Variants in MALRD1 observed in about 807,000 individuals in gnomAD.
MALRD1 encodes MAM and LDL-receptor class A domain-containing protein 1.
MALRD1 carries 247 observed loss-of-function variants against 242.1 expected under a neutral mutation model. The ratio of observed to expected loss-of-function variants is 1.02; its 90% confidence interval spans 0.92 to 1.13. MALRD1 has a LOEUF of 1.13. Ranked by LOEUF, MALRD1 falls within the 50% of genes most tolerant of loss-of-function variation. The pLI is 0.00. For missense variants in MALRD1, 2,989 were observed against 2,533.1 expected (o/e 1.18, Z -3.86); for synonymous variants, 995 against 866.6 (o/e 1.15, Z -2.60).
rs1159904055 is a variant in MALRD1, at chr10:19,171,422, T to TTTTA, written c.1831-3785_1831-3784insTTAT. 3.0e-4 allele frequency among the ~76,000 whole-genome samples: 11 copies of TTTTA among 36,270 alleles called. 1 individual carries two copies. Among genetic ancestry groups the TTTTA allele is most frequent in the African/African-American group, 4.7e-4 (6 of 12,722 alleles). 23.8% of individuals were successfully genotyped at this position (36,270 alleles called of 152,430 possible). On this transcript the variant is annotated intron_variant, in intron 13 of 39. Coordinates refer to ENST00000454679, the MANE Select transcript of MALRD1 (RefSeq NM_001142308.3). ...GGAATTGGTCACAACATTTTATATT[T>TTTTA]TATATACATATATATATATATATAT...
chr10:19,715,354 CTTA>C (rs1358532542), intron 38 of MALRD1, among the ~76,000 whole-genome samples: 6 of 150,436 alleles, frequency 4.0e-5, no homozygotes, highest in African/African-American at 9.7e-5. Context: ...TCCATTATAA[CTTA>C]TTATGAAAAC....
At chr10:19,376,200 C>T (rs1564605973) in intron 26 of MALRD1, among the ~76,000 whole-genome samples, 2 of 152,174 alleles carry the variant, frequency 1.3e-5, no homozygotes, top group Non-Finnish European at 2.9e-5. Flanking sequence ...TAAAGAAGAT[C>T]TTTCTTCCTT....
chr10:19,057,179 G>T (rs987152955), intron 1 of MALRD1, among the ~76,000 whole-genome samples: 7 of 152,088 alleles, frequency 4.6e-5, no homozygotes, highest in Non-Finnish European at 1.5e-5. Flanking sequence ...GGTAACGCTG[G>T]TCTCATAAAA....
Position 19,531,438 on chromosome 10 carries a change from G to T in MALRD1, c.5478+87G>T, listed in dbSNP as rs548941339. 230 of 1,324,698 alleles carry T rather than the reference G, an allele frequency of 1.7e-4. 3 individuals are homozygous for T. In the African/African-American group the frequency reaches 2.8e-3, roughly 16 times the overall value. 82.1% of individuals were successfully genotyped at this position (1,324,698 alleles called of 1,614,324 possible). A position where few individuals can be genotyped will look rare whatever the true frequency, so the allele number is the denominator to read the frequency against. On this transcript the variant is annotated intron_variant, in intron 32 of 39. Coordinates refer to ENST00000454679, the MANE Select transcript of MALRD1 (RefSeq NM_001142308.3). The stretch of plus-strand genomic sequence containing the variant: ...CTTCCCTTGTCTTATTTGTATTTTT[G>T]TTGGTCACACCGCCAGTGCTGATGC...
chr10:19,096,856 G>T lies in MALRD1; in HGVS notation c.598-7123G>T, dbSNP rs953354124. Among the ~76,000 whole-genome samples, 4 of 152,098 alleles carry T rather than the reference G, an allele frequency of 2.6e-5. No homozygotes were observed. The South Asian group carries it at 6.2e-4, about 24-fold the overall frequency. ...TCCCAGCTGGATCCCAGCTTAGCAC[G>T]GGCTTTGGAGAAAGCCTCTGCAGCT... On this transcript the variant is annotated intron_variant, in intron 4 of 39. Transcript: ENST00000454679.
At chr10:19,165,265 A>ATATATATATATTTTTT in intron 12 of MALRD1, among the ~76,000 whole-genome samples, 1 of 130,282 alleles carries the variant, frequency 7.7e-6, no homozygotes, top group African/African-American at 3.2e-5. Flanking sequence ...ATATATATAT[A>ATATATATATATTTTTT]TTTTGTTTTG....
intron 32 of MALRD1, among the ~76,000 whole-genome samples, chr10:19,544,791 A>G (rs376083204): frequency 7.2e-5 from 11 of 152,110 alleles, no homozygotes; most frequent in Non-Finnish European, 1.5e-4. Flanking sequence ...AAAAATGACC[A>G]TGACCTCTCT....
intron 38 of MALRD1, chr10:19,711,187 C>T (rs910550038): frequency 3.3e-5 from 5 of 152,146 alleles, no homozygotes; most frequent in Admixed American, 6.6e-5. Context: ...TCCTTAAATG[C>T]ATCCTTAGGG....
chr10:19,335,155 G>C (rs1430599466), intron 24 of MALRD1, among the ~76,000 whole-genome samples: 1 of 149,610 alleles, frequency 6.7e-6, no homozygotes, highest in Non-Finnish European at 1.5e-5. Context: ...GTGCTTTTTG[G>C]TGAATGATTG....
chr10:19,148,048 C>T (rs1833787671), intron 11 of MALRD1, among the ~76,000 whole-genome samples: 1 of 152,064 alleles, frequency 6.6e-6, no homozygotes, highest in Non-Finnish European at 1.5e-5. Context: ...ATGATGGTGA[C>T]CCAGGTAGTC....
chr10:19,067,064 A>G (rs577123956), intron 2 of MALRD1, among the ~76,000 whole-genome samples: 4 of 152,320 alleles, frequency 2.6e-5, no homozygotes, highest in African/African-American at 4.8e-5. Flanking sequence ...CAAAATATTT[A>G]TGATTTTAAA....
intron 13 of MALRD1, among the ~76,000 whole-genome samples, chr10:19,174,099 T>C (rs1053753079): frequency 6.6e-6 from 1 of 152,124 alleles, no homozygotes; most frequent in Non-Finnish European, 1.5e-5. Context: ...CATGAAGAAA[T>C]ACAAATGGAC....
In MALRD1 at chr10:19,175,240, T is replaced by A. The variant is rs1392704125; in HGVS notation, c.1863T>A (p.Asn621Lys). The A allele has an allele frequency of 8.1e-6, 10 of 1,230,280 alleles. No homozygotes were observed. The African/African-American group carries it at 1.4e-4, about 17-fold the overall frequency. 76.2% of individuals were successfully genotyped at this position (1,230,280 alleles called of 1,614,324 possible). A position where few individuals can be genotyped will look rare whatever the true frequency, so the allele number is the denominator to read the frequency against. Residue 621 changes from asparagine to lysine, a missense_variant, in exon 14 of 40, where the codon AAT (asparagine) becomes AAA (lysine). Transcript: ENST00000454679. ...LILEATVLSS[N>K]ATVALDDISV... is the part of the protein sequence containing the mutation. ...TGGAAGCTACTGTTTTGTCGTCAAA[T>A]GCTACCGTTGCTCTAGATGACATCA... is the stretch of plus-strand genomic sequence containing the variant.
At chr10:19,538,413 C>T (rs576727051) in intron 32 of MALRD1, among the ~76,000 whole-genome samples, 1 of 152,174 alleles carries the variant, frequency 6.6e-6, no homozygotes, top group Non-Finnish European at 1.5e-5. Context: ...GAAGAACTTA[C>T]AAAGATCAGT....
At position 19,491,631 on chromosome 10, in the gene MALRD1, A is replaced by T; in HGVS notation, c.5144A>T (p.Asp1715Val). 6.5e-7 allele frequency: 1 copy of T among 1,549,584 alleles called. No individual in the cohort carries two copies. Among genetic ancestry groups the T allele is most frequent in the Non-Finnish European group, 8.7e-7 (1 of 1,146,710 alleles). ...DYKPDCSDRS[D>V]EAHCAHYTST... is the part of the protein sequence containing the mutation. The stretch of plus-strand genomic sequence containing the variant: ...AAGCCAGACTGCTCTGATAGGTCTG[A>T]TGAAGCTCACTGTGGTAAGTTTATC... The change falls in exon 30 of 40, where the codon GAT becomes GTT. Residue 1715 changes from aspartate to valine, a missense_variant. Physicochemically the swap from Asp to Val is radical, Grantham distance 152. Coordinates refer to ENST00000454679, the MANE Select transcript of MALRD1 (RefSeq NM_001142308.3).
At position 19,308,162 on chromosome 10, in the gene MALRD1, C is replaced by T. The variant is rs373775752; in HGVS notation, c.3420-15787C>T. Among the ~76,000 whole-genome samples the T allele has an allele frequency of 4.6e-5, 7 of 151,504 alleles. No individual in the cohort carries two copies. The East Asian group carries it at 1.2e-3, about 25-fold the overall frequency. The stretch of plus-strand genomic sequence containing the variant: ...TTTTTTTTATACTCATTAACTATCC[C>T]TACATTTCGTCTAGACTCCCACTAC... On this transcript the variant is annotated intron_variant, in intron 21 of 39. Transcript: ENST00000454679.
chr10:19,138,164 G>GACTCCTAC lies in MALRD1; in HGVS notation c.1411+1383_1411+1384insACTCCTAC, dbSNP rs1833416145. ...CAACAGCAATCCAGTTAATACTTCA[G>GACTCCTAC]CTTTAAACCAAGTAATCGGCTAACC... On this transcript the variant is annotated intron_variant, in intron 10 of 39. Transcript: ENST00000454679. 1.4e-4 allele frequency among the ~76,000 whole-genome samples: 21 copies of GACTCCTAC among 151,932 alleles called. No individual in the cohort carries two copies. In the South Asian group the frequency reaches 4.4e-3, roughly 32 times the overall value.
intron 22 of MALRD1, among the ~76,000 whole-genome samples, chr10:19,325,917 C>A (rs367710806): frequency 1.3e-5 from 2 of 152,070 alleles, no homozygotes; most frequent in South Asian, 2.1e-4. Flanking sequence ...TAGGTGCTAC[C>A]CTGACTCCTA....
intron 19 of MALRD1, 49 bp downstream of exon 19, chr10:19,257,820 G>A (rs1839585480): frequency 2.4e-6 from 3 of 1,232,120 alleles, no homozygotes; most frequent in East Asian, 2.8e-5. Context: ...CTGTTTACTT[G>A]GAAAACTTGC....
Sources: allele counts gnomAD v4.1 joint callset (sites outside exome capture counted in the v4.1 genomes callset), GRCh38; gene constraint gnomAD v4.1.1; transcripts MANE v1.5; gene names NCBI Gene and HGNC (gene_info 2026-07-23, HGNC 2026-07-21).